CHD6: variants seen among roughly 807,000 people sequenced by gnomAD.
CHD6 encodes the protein chromodomain helicase DNA binding protein 6.
In CHD6, 50 loss-of-function variants were observed where a neutral mutation model predicts 276.9. That is an observed-to-expected ratio of 0.18 (90% CI 0.14 to 0.23). CHD6 has a LOEUF of 0.23. Among genes scored for constraint, CHD6 ranks in the 10% least tolerant of loss-of-function variants. The pLI, the probability that CHD6 is intolerant of heterozygous loss-of-function variation, is 1.00. For synonymous variants in CHD6, 1,173 were observed against 1,229.3 expected (o/e 0.95, Z 0.96); for missense variants, 2,564 against 3,365.8 (o/e 0.76, Z 5.89).
chr20:41,562,023 T>G (rs932294925), intron 1 of CHD6, among the ~76,000 whole-genome samples: 3 of 152,176 alleles, frequency 2.0e-5, no homozygotes, highest in African/African-American at 7.2e-5. Flanking sequence ...TCCCTCCCTA[T>G]TGTTTTCTTT....
chr20:41,412,712 CAG>C (rs1471271194), intron 35 of CHD6, among the ~76,000 whole-genome samples: 5 of 152,158 alleles, frequency 3.3e-5, no homozygotes, highest in Admixed American at 2.0e-4. Context: ...AGGACAAAGA[CAG>C]TGGTGGGGTA....
At chr20:41,596,544 A>G (rs1431380623) in intron 1 of CHD6, among the ~76,000 whole-genome samples, 1 of 152,126 alleles carries the variant, frequency 6.6e-6, no homozygotes, top group East Asian at 1.9e-4. Flanking sequence ...CAGCAGAACA[A>G]AAATTTCTGG....
Position 41,454,692 on chromosome 20 carries a change from A to G in CHD6, c.3054T>C (p.Asp1018=). The change falls in exon 20 of 37, where the codon GAT becomes GAC. Residue 1018 remains aspartate (D), a synonymous_variant. Coordinates refer to ENST00000373233, the MANE Select transcript of CHD6 (RefSeq NM_032221.5). ...CCCATTTCTGCCAAAAGTTAGGATC[A>G]TCTAAGGAAATATCTGTTCTGTTTC... The part of the protein sequence containing the change: ...ASGNRTDISL[D]DPNFWQKWAK... 1 of 1,613,978 alleles carries G rather than the reference A, an allele frequency of 6.2e-7. No individual in the cohort carries two copies. The highest frequency in any genetic ancestry group is 8.5e-7 in the Non-Finnish European group (1 of 1,179,922).
At chr20:41,448,989 C>A (rs2048155208) in intron 23 of CHD6, among the ~76,000 whole-genome samples, 2 of 151,980 alleles carry the variant, frequency 1.3e-5, no homozygotes, top group Non-Finnish European at 1.5e-5. Flanking sequence ...GCAACCTCCC[C>A]CTCCTGGGTT....
chr20:41,559,332 CAAGA>C (rs779891691), intron 1 of CHD6, among the ~76,000 whole-genome samples: 2 of 152,152 alleles, frequency 1.3e-5, no homozygotes, highest in Non-Finnish European at 2.9e-5. Flanking sequence ...CTCCTCCTCT[CAAGA>C]AAGAAACAGG....
At chr20:41,411,711 A>T (rs138285643) in intron 36 of CHD6, among the ~76,000 whole-genome samples, 3 of 152,206 alleles carry the variant, frequency 2.0e-5, no homozygotes, top group Non-Finnish European at 4.4e-5. Flanking sequence ...TAGTGCTTAG[A>T]GGCAGCTGTT....
At chr20:41,590,521 A>C (rs1051517124) in intron 1 of CHD6, among the ~76,000 whole-genome samples, 1 of 151,952 alleles carries the variant, frequency 6.6e-6, no homozygotes, top group Non-Finnish European at 1.5e-5. Flanking sequence ...TTACAAGAAA[A>C]AAACAACCCC....
At chr20:41,536,573 T>C (rs965791279) in intron 2 of CHD6, among the ~76,000 whole-genome samples, 3 of 152,216 alleles carry the variant, frequency 2.0e-5, no homozygotes, top group Non-Finnish European at 4.4e-5. Flanking sequence ...AAGAAAATCA[T>C]CCAGAATAAT....
At chr20:41,420,212 T>C (rs544200861) in intron 31 of CHD6, among the ~76,000 whole-genome samples, 2 of 152,318 alleles carry the variant, frequency 1.3e-5, no homozygotes, top group East Asian at 3.9e-4. Context: ...AACAAACTAT[T>C]TCCCCTTAAC....
chr20:41,441,497 G>A (rs1294096455), intron 25 of CHD6, among the ~76,000 whole-genome samples: 2 of 152,152 alleles, frequency 1.3e-5, no homozygotes, highest in Admixed American at 6.5e-5. Context: ...CAGGTGAGAT[G>A]GTGAAATCCT....
intron 3 of CHD6, among the ~76,000 whole-genome samples, chr20:41,522,201 C>T (rs1304459061): frequency 1.3e-5 from 2 of 151,980 alleles, no homozygotes; most frequent in African/African-American, 4.8e-5. Context: ...AAAAAATCAG[C>T]CACACATGAT....
At chr20:41,510,069 G>C (rs2044078769) in intron 5 of CHD6, among the ~76,000 whole-genome samples, 1 of 152,194 alleles carries the variant, frequency 6.6e-6, no homozygotes. Context: ...CCATTCTGGT[G>C]CTGACTCCAT....
At chr20:41,457,170 A>C (rs866879473) in intron 18 of CHD6, 94 bp downstream of exon 18, 1 of 1,443,002 alleles carries the variant, frequency 6.9e-7, no homozygotes. Flanking sequence ...CAATGCAGCG[A>C]AAGTGAACCC....
At chr20:41,464,813 A>G (rs2042882750) in intron 17 of CHD6, among the ~76,000 whole-genome samples, 1 of 152,192 alleles carries the variant, frequency 6.6e-6, no homozygotes, top group South Asian at 2.1e-4. Flanking sequence ...GTCAATTCCA[A>G]CGTGGGGGCA....
chr20:41,417,157 A>G, intron 32 of CHD6, 41 bp downstream of exon 32: 1 of 1,562,664 alleles, frequency 6.4e-7, no homozygotes, highest in Non-Finnish European at 8.7e-7. Context: ...AAAGCTGGGA[A>G]TGGTTTGGGG....
chr20:41,456,877 T>C (rs191793342), intron 18 of CHD6, among the ~76,000 whole-genome samples: 71 of 152,270 alleles, frequency 4.7e-4, no homozygotes, highest in Non-Finnish European at 4.4e-5. Flanking sequence ...CCGAGCACTG[T>C]TAGGGGCCGA....
At chr20:41,505,464 G>A (rs2043954690) in intron 5 of CHD6, among the ~76,000 whole-genome samples, 1 of 152,022 alleles carries the variant, frequency 6.6e-6, no homozygotes, top group African/African-American at 2.4e-5. Context: ...TCTTTTGTTT[G>A]GGCCAAACCT....
intron 24 of CHD6, among the ~76,000 whole-genome samples, chr20:41,446,790 C>A (rs2048082985): frequency 6.6e-6 from 1 of 152,110 alleles, no homozygotes; most frequent in Non-Finnish European, 1.5e-5. Context: ...AGGTATTCAA[C>A]CTGAAGAGCA....
chr20:41,483,766 C>T (rs999497035), intron 15 of CHD6, among the ~76,000 whole-genome samples: 2 of 152,082 alleles, frequency 1.3e-5, no homozygotes, highest in African/African-American at 4.8e-5. Flanking sequence ...ATCTGAGATA[C>T]CAAGTCCTAA....
Sources: gnomAD v4.1 joint callset for allele counts (sites outside exome capture counted in the v4.1 genomes callset) on GRCh38, gnomAD v4.1.1 for gene constraint, MANE v1.5 for transcripts, NCBI Gene and HGNC (gene_info 2026-07-23, HGNC 2026-07-21) for gene names.